SPHKAP: variants seen among roughly 807,000 people sequenced by gnomAD.
The protein encoded by SPHKAP is A-kinase anchor protein SPHKAP.
SPHKAP carries 67 observed loss-of-function variants against 137.5 expected under a neutral mutation model. The observed-to-expected ratio is 0.49, with a 90% CI of 0.40 to 0.60. The LOEUF (loss-of-function observed/expected upper bound fraction) is 0.60. Among genes scored for constraint, SPHKAP ranks in the 20% least tolerant of loss-of-function variants. The pLI is 0.00. For missense variants in SPHKAP, 2,097 were observed against 2,069.3 expected (o/e 1.01, Z -0.26); for synonymous variants, 813 against 785.3 (o/e 1.04, Z -0.59).
At chr2:228,134,444 C>A (rs1416281129) in intron 1 of SPHKAP, among the ~76,000 whole-genome samples, 1 of 152,050 alleles carries the variant, frequency 6.6e-6, no homozygotes. Flanking sequence ...AGTCACTTGG[C>A]GAAATATCAG....
chr2:227,993,980 G>A, intron 8 of SPHKAP: 8 of 887,404 alleles, frequency 9.0e-6, no homozygotes, highest in Non-Finnish European at 9.5e-6. Flanking sequence ...ATCGGCAAGA[G>A]ATTTCTTGCT....
At position 228,019,923 on chromosome 2, in the gene SPHKAP, C is replaced by A; in HGVS notation, c.931G>T (p.Glu311Ter). The A allele has an allele frequency of 6.2e-7, 1 of 1,614,254 alleles. No homozygotes were observed. The highest frequency in any genetic ancestry group is 8.5e-7 in the Non-Finnish European group (1 of 1,180,040). Reference protein sequence around the residue: ...PSAKPSQWKREAVGNGRQATH... With the variant: ...PSAKPSQWKR ...GCTTGTCTCCCATTCCCCACAGCTT[C>A]TCTTTTCCACTGTGATGGCTTGGCT... is the stretch of plus-strand genomic sequence containing the variant. The change falls in exon 7 of 12, where the codon GAA becomes TAA. Residue 311 changes from glutamate (E) to a stop codon, truncating the protein, a stop_gained. Transcript: ENST00000392056. LOFTEE classifies it high-confidence loss of function.
chr2:228,086,690 T>TAGTG (rs1361374899), intron 3 of SPHKAP, among the ~76,000 whole-genome samples: 2 of 151,734 alleles, frequency 1.3e-5, no homozygotes, highest in Non-Finnish European at 2.9e-5. Flanking sequence ...ATGACCAGAG[T>TAGTG]AGTGGTTCAG....
At chr2:228,157,685 G>T (rs1177193901) in intron 1 of SPHKAP, among the ~76,000 whole-genome samples, 6 of 152,106 alleles carry the variant, frequency 3.9e-5, no homozygotes, top group Non-Finnish European at 7.4e-5. Flanking sequence ...GGTAAAGGAG[G>T]TGTCATTTTG....
intron 3 of SPHKAP, among the ~76,000 whole-genome samples, chr2:228,099,715 G>T (rs983986526): frequency 6.6e-6 from 1 of 152,082 alleles, no homozygotes; most frequent in Non-Finnish European, 1.5e-5. Flanking sequence ...GCAGTATTAT[G>T]TAGTTCTCTT....
At chr2:228,072,053 T>C (rs1402933828) in intron 3 of SPHKAP, among the ~76,000 whole-genome samples, 3 of 152,314 alleles carry the variant, frequency 2.0e-5, no homozygotes, top group East Asian at 1.9e-4. Flanking sequence ...ATCTAATTCA[T>C]TGAGGACCCT....
At chr2:228,022,383 G>C (rs953557668) in intron 5 of SPHKAP, 1 of 156,206 alleles carries the variant, frequency 6.4e-6, no homozygotes, top group East Asian at 1.9e-4. Flanking sequence ...GGAGATCATA[G>C]GTCATCTGTG....
At chr2:228,035,912 C>G (rs1052985667) in intron 3 of SPHKAP, among the ~76,000 whole-genome samples, 1 of 151,562 alleles carries the variant, frequency 6.6e-6, no homozygotes, top group Non-Finnish European at 1.5e-5. Flanking sequence ...CATGTTAGAC[C>G]TAAAACCATA....
chr2:228,062,035 A>G (rs1696656573), intron 3 of SPHKAP, among the ~76,000 whole-genome samples: 1 of 152,156 alleles, frequency 6.6e-6, no homozygotes, highest in Non-Finnish European at 1.5e-5. Flanking sequence ...AAATCAAGGT[A>G]ATATGAAACA....
Position 228,017,026 on chromosome 2 carries a change from C to G in SPHKAP, c.3828G>C (p.Pro1276=), listed in dbSNP as rs537030108. 2.3e-5 allele frequency: 37 copies of G among 1,613,958 alleles called. No homozygotes were observed. The highest frequency in any genetic ancestry group is 3.0e-5 in the Non-Finnish European group (35 of 1,180,010). ...GACCGGATGAGGACGCGCTACTGAC[C>G]GGCTGCACGCTTAGGAAATCTTGTG... ...NCPQDFLSVQ[P]VSSASSSGLC... is the part of the protein sequence containing the mutation. The change falls in exon 7 of 12, where the codon CCG becomes CCC. Residue 1276 remains proline, a synonymous_variant. Transcript: ENST00000392056.
intron 7 of SPHKAP, among the ~76,000 whole-genome samples, chr2:228,010,611 C>A (rs1415455953): frequency 6.6e-6 from 1 of 152,056 alleles, no homozygotes; most frequent in Non-Finnish European, 1.5e-5. Context: ...AAACAGAAGA[C>A]CTTTCACATT....
intron 1 of SPHKAP, among the ~76,000 whole-genome samples, chr2:228,133,221 A>G (rs1574880208): frequency 6.7e-6 from 1 of 149,582 alleles, no homozygotes; most frequent in Admixed American, 6.6e-5. Context: ...GCAGGAGAAT[A>G]GCTTGAACCC....
chr2:228,170,511 C>G (rs970468438), intron 1 of SPHKAP, among the ~76,000 whole-genome samples: 1 of 151,996 alleles, frequency 6.6e-6, no homozygotes, highest in African/African-American at 2.4e-5. Context: ...CACAGCCACC[C>G]CAATATTCAG....
At chr2:228,164,776 C>T (rs981388569) in intron 1 of SPHKAP, among the ~76,000 whole-genome samples, 1 of 152,190 alleles carries the variant, frequency 6.6e-6, no homozygotes, top group Non-Finnish European at 1.5e-5. Context: ...TCTCCTGCCT[C>T]TGGACTCTTT....
chr2:228,056,606 T>G (rs72973745), intron 3 of SPHKAP, among the ~76,000 whole-genome samples: 5,753 of 152,152 alleles, frequency 0.038, 148 homozygotes, highest in Middle Eastern at 0.068. Context: ...AAATGTATCT[T>G]TGTTCTCCAG....
chr2:228,065,816 G>T (rs1696807970), intron 3 of SPHKAP, among the ~76,000 whole-genome samples: 1 of 152,166 alleles, frequency 6.6e-6, no homozygotes, highest in Non-Finnish European at 1.5e-5. Context: ...CTGTGGCAAG[G>T]CTGCCTCTGG....
chr2:228,058,198 C>T (rs147479774), intron 3 of SPHKAP, among the ~76,000 whole-genome samples: 2 of 152,326 alleles, frequency 1.3e-5, no homozygotes, highest in African/African-American at 4.8e-5. Flanking sequence ...CTAGCCCATT[C>T]TGCATCCTGC....
chr2:228,045,151 G>C (rs1411817884), intron 3 of SPHKAP, among the ~76,000 whole-genome samples: 4 of 151,368 alleles, frequency 2.6e-5, no homozygotes, highest in South Asian at 2.1e-4. Flanking sequence ...CTGTTGGTGG[G>C]ACTGTAAACT....
At chr2:228,108,250 A>G (rs1203107281) in intron 3 of SPHKAP, among the ~76,000 whole-genome samples, 1 of 152,242 alleles carries the variant, frequency 6.6e-6, no homozygotes, top group Non-Finnish European at 1.5e-5. Flanking sequence ...AACATATTCT[A>G]CAATAATATC....
Sources: allele counts gnomAD v4.1 joint callset (sites outside exome capture counted in the v4.1 genomes callset), GRCh38; gene constraint gnomAD v4.1.1; transcripts MANE v1.5; gene names NCBI Gene and HGNC (gene_info 2026-07-23, HGNC 2026-07-21).